The following CPNE4 variants were observed in gnomAD, a reference collection of about 807,000 sequenced individuals.
CPNE4 encodes copine 4, also known as copine-4.
A neutral mutation model predicts 67.9 loss-of-function variants in CPNE4; 25 were observed. That is an observed-to-expected ratio of 0.37 (90% CI 0.27 to 0.51). The LOEUF (loss-of-function observed/expected upper bound fraction) is 0.51. Among genes scored for constraint, CPNE4 ranks in the 20% least tolerant of loss-of-function variants. The pLI is 0.93. For missense variants in CPNE4, 464 were observed against 690.8 expected (o/e 0.67, Z 3.68); for synonymous variants, 242 against 244.9 (o/e 0.99, Z 0.11).
chr3:131,993,186 G>A lies in CPNE4; in HGVS notation c.-2+41381C>T, dbSNP rs1255489733. Among the ~76,000 whole-genome samples the A allele has an allele frequency of 3.0e-5, 4 of 135,204 alleles. 2 individuals are homozygous for A. The highest frequency in any genetic ancestry group is 6.7e-5 in the Non-Finnish European group (4 of 59,696). 88.7% of individuals were successfully genotyped at this position (135,204 alleles called of 152,430 possible). On this transcript the variant is annotated intron_variant, in intron 1 of 15. Coordinates refer to ENST00000429747, the MANE Select transcript of CPNE4 (RefSeq NM_130808.3). ...TAAGGAGTTAGGTCCATAAAAAATC[G>A]TTCTGTTCTCTATCACTTCACTCAT... is the stretch of plus-strand genomic sequence containing the variant.
upstream of CPNE4, chr3:132,037,656 T>C (rs1024290795): frequency 6.6e-6 from 10 of 1,507,106 alleles, no homozygotes; most frequent in African/African-American, 8.3e-5. Flanking sequence ...GTGGCCCTGG[T>C]GTTCCCAAGT....
intron 10 of CPNE4, among the ~76,000 whole-genome samples, chr3:131,570,048 C>T (rs773855876): frequency 5.3e-5 from 8 of 151,500 alleles, no homozygotes; most frequent in South Asian, 2.1e-4. Flanking sequence ...TAAACATGAC[C>T]TCATGTTATT....
chr3:131,687,296 G>A (rs11714976), intron 5 of CPNE4, among the ~76,000 whole-genome samples: 6,157 of 152,174 alleles, frequency 0.04, 182 homozygotes, highest in Non-Finnish European at 0.054. Flanking sequence ...TTCTCAAAGA[G>A]GAGAAACTTT....
At chr3:131,953,050 C>T (rs942307460) in intron 1 of CPNE4, among the ~76,000 whole-genome samples, 1 of 151,760 alleles carries the variant, frequency 6.6e-6, no homozygotes, top group African/African-American at 2.4e-5. Context: ...GCAGCATGCT[C>T]GTTAAGAGTC....
At chr3:131,637,332 T>G (rs1582935140) in intron 7 of CPNE4, among the ~76,000 whole-genome samples, 1 of 152,210 alleles carries the variant, frequency 6.6e-6, no homozygotes, top group Non-Finnish European at 1.5e-5. Context: ...GTGAAATAGA[T>G]AGCATAAATA....
chr3:131,905,313 G>T lies in CPNE4; in HGVS notation c.131C>A (p.Pro44Gln), dbSNP rs770516364. The change falls in exon 2 of 16, where the codon CCA (proline) becomes CAA (glutamine). Residue 44 changes from proline to glutamine, a missense_variant. By Grantham distance (76) the Pro-to-Gln change is moderately conservative (BLOSUM62 -1). Coordinates refer to ENST00000429747, the MANE Select transcript of CPNE4 (RefSeq NM_130808.3). ...GISDRDALSK[P>Q]DPCVILKMQS... ...CATCTTGAGGATGACACAGGGGTCT[G>T]GTTTGGAAAGGGCATCTCTGTCAGA... The T allele has an allele frequency of 1.2e-6, 2 of 1,613,568 alleles. No individual in the cohort carries two copies. Among genetic ancestry groups the T allele is most frequent in the Admixed American group, 1.7e-5 (1 of 59,952 alleles).
At chr3:131,998,094 G>T (rs1291682795) in intron 1 of CPNE4, among the ~76,000 whole-genome samples, 1 of 152,100 alleles carries the variant, frequency 6.6e-6, no homozygotes, top group Non-Finnish European at 1.5e-5. Flanking sequence ...GATTGAGAAA[G>T]GAAGGACCTG....
At chr3:131,660,409 G>A (rs1003631853) in intron 7 of CPNE4, among the ~76,000 whole-genome samples, 1 of 152,140 alleles carries the variant, frequency 6.6e-6, no homozygotes, top group South Asian at 2.1e-4. Flanking sequence ...TGGATGGGAA[G>A]GATGATGTGT....
chr3:131,851,331 G>C (rs974119146), intron 2 of CPNE4, among the ~76,000 whole-genome samples: 2 of 151,952 alleles, frequency 1.3e-5, no homozygotes, highest in African/African-American at 2.4e-5. Context: ...AACTCAGTGA[G>C]AAAATCCAAA....
intron 2 of CPNE4, among the ~76,000 whole-genome samples, chr3:131,748,846 TTCTC>T (rs1331171431): frequency 1.3e-5 from 2 of 152,202 alleles, no homozygotes; most frequent in African/African-American, 2.4e-5. Flanking sequence ...AACTTGTGTC[TTCTC>T]TCTTTTTTTA....
rs370932446 is a variant in CPNE4 at position 131,724,279 on chromosome 3, A to G, written c.181-654T>C. Among the ~76,000 whole-genome samples the G allele has an allele frequency of 2.6e-5, 4 of 152,212 alleles. No individual in the cohort carries two copies. The South Asian group carries it at 8.3e-4, about 32-fold the overall frequency. ...GAGTATGCCCTTTATTAAGTGTATA[A>G]TGTTCACCCATTCATTTCAATTCCC... On this transcript the variant is annotated intron_variant, in intron 2 of 15. Coordinates refer to ENST00000429747, the MANE Select transcript of CPNE4 (RefSeq NM_130808.3).
chr3:131,713,236 AT>A (rs951777790), intron 3 of CPNE4, among the ~76,000 whole-genome samples: 9 of 152,188 alleles, frequency 5.9e-5, no homozygotes, highest in African/African-American at 2.2e-4. Context: ...ATACTAATGA[AT>A]GTGAGTGTAT....
At chr3:131,596,153 C>CAAATAAAT (rs1476356909) in intron 7 of CPNE4, among the ~76,000 whole-genome samples, 12 of 134,582 alleles carry the variant, frequency 8.9e-5, no homozygotes, top group African/African-American at 3.4e-4. Context: ...AACAAACAAA[C>CAAATAAAT]AAACAAACAA....
At chr3:131,815,259 G>A (rs2107952418) in intron 2 of CPNE4, among the ~76,000 whole-genome samples, 1 of 152,226 alleles carries the variant, frequency 6.6e-6, no homozygotes, top group East Asian at 1.9e-4. Context: ...TTGGAAAACT[G>A]ATATTATAAA....
At chr3:131,811,212 T>C (rs1023708570) in intron 2 of CPNE4, among the ~76,000 whole-genome samples, 1 of 152,076 alleles carries the variant, frequency 6.6e-6, no homozygotes, top group Non-Finnish European at 1.5e-5. Context: ...ATATTAACAA[T>C]TTTAATAATA....
intron 3 of CPNE4, among the ~76,000 whole-genome samples, chr3:131,718,784 T>C (rs2081807200): frequency 6.6e-6 from 1 of 152,250 alleles, no homozygotes; most frequent in Non-Finnish European, 1.5e-5. Flanking sequence ...TCCTTTTTCA[T>C]CTTTGTGTCT....
chr3:131,936,776 G>A lies in CPNE4; in HGVS notation c.-1-31332C>T, dbSNP rs563690776. Among the ~76,000 whole-genome samples the A allele has an allele frequency of 1.1e-4, 16 of 151,946 alleles. No homozygotes were observed. The South Asian group carries it at 2.9e-3, about 28-fold the overall frequency. ...GAAACCATCCCCCTTGTCTTCTAAGGAAGACAATGAGCACAAATATAAGAA... is the reference window on the plus strand; with the variant it reads ...GAAACCATCCCCCTTGTCTTCTAAGAAAGACAATGAGCACAAATATAAGAA... On this transcript the variant is annotated intron_variant, in intron 1 of 15. Coordinates refer to ENST00000429747, the MANE Select transcript of CPNE4 (RefSeq NM_130808.3).
chr3:131,708,412 A>C (rs79276909), intron 3 of CPNE4, among the ~76,000 whole-genome samples: 5,875 of 152,284 alleles, frequency 0.039, 303 homozygotes, highest in African/African-American at 0.12. Context: ...AATGCTGAAT[A>C]CATGAGTCTG....
At chr3:131,881,511 T>G (rs185780043) in intron 2 of CPNE4, among the ~76,000 whole-genome samples, 3 of 152,116 alleles carry the variant, frequency 2.0e-5, no homozygotes, top group Non-Finnish European at 4.4e-5. Context: ...CAATTATAGG[T>G]GTGTTCTTGG....
Sources: allele counts gnomAD v4.1 joint callset (sites outside exome capture counted in the v4.1 genomes callset), GRCh38; gene constraint gnomAD v4.1.1; transcripts MANE v1.5; gene names NCBI Gene and HGNC (gene_info 2026-07-23, HGNC 2026-07-21).